Variants in SLC25A36 observed in about 807,000 individuals in gnomAD.
SLC25A36 encodes epididymis secretory sperm binding protein.
In SLC25A36, 24 loss-of-function variants were observed where a neutral mutation model predicts 35.3. The observed-to-expected ratio is 0.68, with a 90% confidence interval of 0.49 to 0.96. The LOEUF (loss-of-function observed/expected upper bound fraction) is 0.96, where lower values mean the gene tolerates loss of function less well. SLC25A36 is among the 40% of genes least tolerant of loss of function. The pLI, the probability that SLC25A36 is intolerant of heterozygous loss-of-function variation, is 0.00. For synonymous variants in SLC25A36, 141 were observed against 132.2 expected (o/e 1.07, Z -0.46); for missense variants, 294 against 381.1 (o/e 0.77, Z 1.90).
chr3:140,959,326 A>G (rs1934570122), intron 2 of SLC25A36, 137 bp from the exon 3 acceptor site: 1 of 549,830 alleles, frequency 1.8e-6, no homozygotes, highest in South Asian at 3.0e-5. Flanking sequence ...CAAATTTTTA[A>G]TAAGTAAGGA....
intron 2 of SLC25A36, among the ~76,000 whole-genome samples, chr3:140,958,686 A>G (rs1002154502): frequency 2.0e-5 from 3 of 152,200 alleles, no homozygotes; most frequent in African/African-American, 7.2e-5. Flanking sequence ...AGTAGTAAGA[A>G]GTATTGTCCA....
chr3:140,952,119 C>T (rs1225311666), intron 1 of SLC25A36, among the ~76,000 whole-genome samples: 2 of 151,386 alleles, frequency 1.3e-5, no homozygotes, highest in Non-Finnish European at 2.9e-5. Context: ...TGGGTTGAAG[C>T]GATTCTACTG....
At chr3:140,948,629 AT>A (rs1328561717) in intron 1 of SLC25A36, among the ~76,000 whole-genome samples, 1 of 152,268 alleles carries the variant, frequency 6.6e-6, no homozygotes, top group Non-Finnish European at 1.5e-5. Context: ...ACCTTTTTAA[AT>A]AATATGCACA....
intron 5 of SLC25A36, chr3:140,972,604 T>TC (rs1934934080): frequency 6.6e-6 from 1 of 151,328 alleles, no homozygotes; most frequent in South Asian, 2.1e-4. Flanking sequence ...CCATGGAGAC[T>TC]CCATCTGTTA....
intron 5 of SLC25A36, chr3:140,973,016 T>C (rs999618407): frequency 6.6e-6 from 1 of 152,180 alleles, no homozygotes; most frequent in Non-Finnish European, 1.5e-5. Context: ...TAGGAGATGT[T>C]GTATTCTATA....
Position 140,976,471 on chromosome 3 carries a change from T to A in SLC25A36, c.*18T>A, listed in dbSNP as rs746145912. On this transcript the variant is annotated 3_prime_UTR_variant, in exon 7 of 7. Transcript: ENST00000324194. Reference sequence around the variant, plus strand: ...ATGGATAGCAGCACGAGGACTGCTGTACTGCAAAAAAAGAAGACCAAAAGA... The same window carrying A: ...ATGGATAGCAGCACGAGGACTGCTGAACTGCAAAAAAAGAAGACCAAAAGA... The A allele has an allele frequency of 1.0e-5, 16 of 1,577,956 alleles. No homozygotes were observed. Among genetic ancestry groups the A allele is most frequent in the Admixed American group, 5.9e-5 (3 of 51,184 alleles).
At chr3:140,964,427 A>G (rs1437457954) in intron 4 of SLC25A36, 1 of 151,934 alleles carries the variant, frequency 6.6e-6, no homozygotes, top group East Asian at 1.9e-4. Context: ...TAGCTTACCC[A>G]TGGAATGAGT....
At chr3:140,955,274 G>A (rs1174821187) in intron 1 of SLC25A36, among the ~76,000 whole-genome samples, 1 of 151,852 alleles carries the variant, frequency 6.6e-6, no homozygotes, top group Non-Finnish European at 1.5e-5. Flanking sequence ...TTTTATTGTG[G>A]AGGTAGAATT....
At chr3:140,958,944 A>T (rs1934551193) in intron 2 of SLC25A36, among the ~76,000 whole-genome samples, 1 of 143,206 alleles carries the variant, frequency 7.0e-6, no homozygotes, top group East Asian at 2.1e-4. Context: ...ATGCTATGTC[A>T]TGAAAAAACA....
intron 6 of SLC25A36, among the ~76,000 whole-genome samples, chr3:140,975,097 C>CTTTTTT (rs10662120): frequency 0.065 from 3,577 of 55,052 alleles, 1,345 homozygotes; most frequent in South Asian, 0.11. Flanking sequence ...AAGATACATT[C>CTTTTTT]TTTTTTTTTT....
intron 3 of SLC25A36, among the ~76,000 whole-genome samples, chr3:140,962,888 G>T (rs776805128): frequency 6.6e-6 from 1 of 151,544 alleles, no homozygotes; most frequent in South Asian, 2.1e-4. Flanking sequence ...GTATTGGAAG[G>T]GGGTCTGTTT....
chr3:140,946,449 G>T (rs745536548), intron 1 of SLC25A36, among the ~76,000 whole-genome samples: 8 of 152,110 alleles, frequency 5.3e-5, no homozygotes, highest in Admixed American at 5.2e-4. Flanking sequence ...ATTTTTAAAG[G>T]CTAATTGGTC....
chr3:140,948,246 C>A (rs1248916813), intron 1 of SLC25A36, among the ~76,000 whole-genome samples: 1 of 152,098 alleles, frequency 6.6e-6, no homozygotes, highest in South Asian at 2.1e-4. Context: ...TGAGCTACCA[C>A]GCCCAGCCCA....
At chr3:140,952,827 G>A (rs1934363758) in intron 1 of SLC25A36, among the ~76,000 whole-genome samples, 1 of 152,242 alleles carries the variant, frequency 6.6e-6, no homozygotes, top group South Asian at 2.1e-4. Context: ...AATTATAGAA[G>A]TAATTCATGT....
chr3:140,941,971 C>T lies in SLC25A36; in HGVS notation c.-84C>T, dbSNP rs1934011447. On this transcript the variant is annotated 5_prime_UTR_variant, in exon 1 of 7. Transcript: ENST00000324194. Reference sequence around the variant, plus strand: ...CCGTCCCCGGGGCGCTGTGCGTCTCCAGTCCGGGACCGAAGCCGCCTGCCG... The same window carrying T: ...CCGTCCCCGGGGCGCTGTGCGTCTCTAGTCCGGGACCGAAGCCGCCTGCCG... 21 of 747,348 alleles carry T rather than the reference C, an allele frequency of 2.8e-5. No homozygotes were observed. Among genetic ancestry groups the T allele is most frequent in the South Asian group, 2.1e-4 (13 of 60,548 alleles). The allele number at this position is 747,348 out of a possible 1,614,324, so 46.3% of individuals were successfully genotyped here.
Position 140,958,958 on chromosome 3 carries a change from TTTTGTGTGTGTG to T in SLC25A36, c.207-503_207-492del, listed in dbSNP as rs1559813288. ...TATGCTATGTCATGAAAAAACAATG[TTTTGTGTGTGTG>T]TGTGTGTGTGTGTGTGTGTGTGTGT... On this transcript the variant is annotated intron_variant, in intron 2 of 6. Transcript: ENST00000324194. Among the ~76,000 whole-genome samples, 3 of 126,232 alleles carry T rather than the reference TTTTGTGTGTGTG, an allele frequency of 2.4e-5. No individual in the cohort carries two copies. In the East Asian group the frequency reaches 7.2e-4, roughly 30 times the overall value. The allele number at this position is 126,232 out of a possible 152,430, so 82.8% of individuals were successfully genotyped here.
chr3:140,975,097 CTTTTTTTTTTTTTTTT>C (rs10662120), intron 6 of SLC25A36, among the ~76,000 whole-genome samples: 15 of 55,224 alleles, frequency 2.7e-4, no homozygotes, highest in South Asian at 1.1e-3. Context: ...AAGATACATT[CTTTTTTTTTTTTTTTT>C]TTTTTTTTTT....
chr3:140,951,187 C>T (rs1266187178), intron 1 of SLC25A36, among the ~76,000 whole-genome samples: 1 of 152,020 alleles, frequency 6.6e-6, no homozygotes, highest in East Asian at 1.9e-4. Context: ...CTGCCGATTT[C>T]TCTGGGCCTC....
intron 1 of SLC25A36, 68 bp downstream of exon 1, chr3:140,942,163 G>A (rs1439067258): frequency 8.7e-6 from 2 of 228,596 alleles, no homozygotes; most frequent in East Asian, 9.6e-5. Context: ...GGCGAGGGGG[G>A]CGAGGGGGGC....
Sources: allele counts gnomAD v4.1 joint callset (sites outside exome capture counted in the v4.1 genomes callset), GRCh38; gene constraint gnomAD v4.1.1; transcripts MANE v1.5; gene names NCBI Gene and HGNC (gene_info 2026-07-23, HGNC 2026-07-21).